SEMA3A: variants seen among roughly 807,000 people sequenced by gnomAD.
SEMA3A encodes the protein semaphorin-3A.
Under a neutral mutation model 97.9 loss-of-function variants are expected in SEMA3A, and 29 were observed. That is an observed-to-expected ratio of 0.30 (90% CI 0.22 to 0.40). SEMA3A has a LOEUF of 0.40. Ranked by LOEUF, SEMA3A falls within the 10% of genes least tolerant of loss-of-function variation. SEMA3A has a pLI of 1.00. For synonymous variants in SEMA3A, 321 were observed against 323.7 expected (o/e 0.99, Z 0.09); for missense variants, 763 against 951.3 (o/e 0.80, Z 2.60).
intron 1 of SEMA3A, among the ~76,000 whole-genome samples, chr7:84,437,943 C>G (rs1584325124): frequency 6.6e-6 from 1 of 151,898 alleles, no homozygotes; most frequent in South Asian, 2.1e-4. Flanking sequence ...TTTTAAAAAA[C>G]CTAAAACAAG....
At chr7:84,065,809 A>C (rs1793461127) in intron 4 of SEMA3A, among the ~76,000 whole-genome samples, 1 of 152,030 alleles carries the variant, frequency 6.6e-6, no homozygotes, top group South Asian at 2.1e-4. Flanking sequence ...GTCCAGGACC[A>C]GATGGATTCA....
At chr7:84,470,181 T>C (rs1584347585) in intron 1 of SEMA3A, among the ~76,000 whole-genome samples, 1 of 152,162 alleles carries the variant, frequency 6.6e-6, no homozygotes, top group East Asian at 1.9e-4. Flanking sequence ...CTTGGGATTC[T>C]ACTATACTTA....
At chr7:84,433,895 T>C (rs1440207159) in intron 1 of SEMA3A, among the ~76,000 whole-genome samples, 2 of 152,228 alleles carry the variant, frequency 1.3e-5, no homozygotes, top group Admixed American at 6.5e-5. Flanking sequence ...TGTCTGTTCA[T>C]ATTCTTCACA....
In SEMA3A at chr7:84,208,175, T is replaced by C. The variant is rs574248202; in HGVS notation, c.-82-13507A>G. On this transcript the variant is annotated intron_variant, in intron 3 of 3. Coordinates refer to the SEMA3A transcript ENST00000424555. Reference sequence around the variant, plus strand: ...AATGTTAAGAATGGAAAGACAAGCCTGGCACTGTGGCTCATGACTGTAATC... The same window carrying C: ...AATGTTAAGAATGGAAAGACAAGCCCGGCACTGTGGCTCATGACTGTAATC... 5.7e-4 allele frequency among the ~76,000 whole-genome samples: 86 copies of C among 152,058 alleles called. 1 individual carries two copies. The highest frequency in any genetic ancestry group is 9.9e-4 in the Non-Finnish European group (67 of 67,978).
intron 4 of SEMA3A, among the ~76,000 whole-genome samples, chr7:84,073,812 T>C (rs1285410517): frequency 2.0e-5 from 3 of 149,386 alleles, no homozygotes; most frequent in African/African-American, 7.6e-5. Flanking sequence ...CAACATCTGT[T>C]GCATCAGAAT....
intron 1 of SEMA3A, among the ~76,000 whole-genome samples, chr7:84,376,917 T>C (rs948616458): frequency 6.6e-6 from 1 of 152,200 alleles, no homozygotes; most frequent in African/African-American, 2.4e-5. Flanking sequence ...ATATTATGGG[T>C]GATAATCCAT....
chr7:83,988,849 T>A, intron 12 of SEMA3A, among the ~76,000 whole-genome samples: 1 of 147,406 alleles, frequency 6.8e-6, no homozygotes, highest in South Asian at 2.2e-4. Flanking sequence ...CAACACATCA[T>A]GGATATTCAG....
At chr7:84,362,236 A>G (rs1802743974) in intron 2 of SEMA3A, among the ~76,000 whole-genome samples, 1 of 151,968 alleles carries the variant, frequency 6.6e-6, no homozygotes, top group Non-Finnish European at 1.5e-5. Flanking sequence ...TAAATAAATA[A>G]CCTTGAATAA....
intron 2 of SEMA3A, among the ~76,000 whole-genome samples, chr7:84,313,207 A>T (rs1342764746): frequency 6.9e-6 from 1 of 145,714 alleles, no homozygotes; most frequent in Non-Finnish European, 1.5e-5. Flanking sequence ...TTGCTAGAAA[A>T]GTTCCAAATT....
rs531724085 is a variant in SEMA3A, at chr7:84,169,293, G to A, written c.112+25182C>T. On this transcript the variant is annotated intron_variant, in intron 1 of 16. Transcript: ENST00000265362. The stretch of plus-strand genomic sequence containing the variant: ...GGCCATAAACCTATCTCTCCCACAA[G>A]TATTCAAGAGTGAAAGCCTAAGTTA... 4.6e-5 allele frequency among the ~76,000 whole-genome samples: 7 copies of A among 151,156 alleles called. No homozygotes were observed. In the East Asian group the frequency reaches 1.2e-3, roughly 25 times the overall value.
At chr7:84,091,260 A>G (rs943146126) in intron 4 of SEMA3A, among the ~76,000 whole-genome samples, 5 of 147,410 alleles carry the variant, frequency 3.4e-5, no homozygotes, top group African/African-American at 9.8e-5. Context: ...AGAACGAAGG[A>G]AAGAGAAAAA....
At chr7:84,403,853 C>A (rs375827715) in intron 1 of SEMA3A, among the ~76,000 whole-genome samples, 7 of 152,236 alleles carry the variant, frequency 4.6e-5, no homozygotes, top group African/African-American at 1.7e-4. Context: ...AGAAGGAAAA[C>A]TAACAAACAG....
At chr7:84,424,018 A>T (rs1242411718) in intron 1 of SEMA3A, among the ~76,000 whole-genome samples, 1 of 151,946 alleles carries the variant, frequency 6.6e-6, no homozygotes, top group Non-Finnish European at 1.5e-5. Flanking sequence ...ATGTGGTGAA[A>T]GGGAAAGCTT....
chr7:84,154,305 T>G (rs2116137604), intron 1 of SEMA3A, among the ~76,000 whole-genome samples: 1 of 152,272 alleles, frequency 6.6e-6, no homozygotes, highest in Admixed American at 6.5e-5. Flanking sequence ...TGGTTAAAAA[T>G]AATAGACATT....
At chr7:84,483,758 AT>A (rs67470568) in intron 1 of SEMA3A, among the ~76,000 whole-genome samples, 29,931 of 152,082 alleles carry the variant, frequency 0.2, 3,565 homozygotes, top group East Asian at 0.47. Flanking sequence ...TTAAAAAAAA[AT>A]CTGGGTCAGG....
At chr7:83,987,976 T>C (rs912175631) in intron 12 of SEMA3A, among the ~76,000 whole-genome samples, 7 of 152,238 alleles carry the variant, frequency 4.6e-5, no homozygotes, top group African/African-American at 1.2e-4. Context: ...TGTGTATTGC[T>C]GATAGGACAC....
At chr7:84,206,546 T>C (rs1416384409) in intron 3 of SEMA3A, among the ~76,000 whole-genome samples, 1 of 152,084 alleles carries the variant, frequency 6.6e-6, no homozygotes, top group African/African-American at 2.4e-5. Context: ...ATGGTTGCGA[T>C]CTCCTGACCT....
intron 3 of SEMA3A, among the ~76,000 whole-genome samples, chr7:84,295,362 G>A (rs777325338): frequency 2.0e-5 from 3 of 151,670 alleles, no homozygotes; most frequent in Non-Finnish European, 2.9e-5. Context: ...AAAGATTTCC[G>A]TCATTCACAA....
intron 1 of SEMA3A, among the ~76,000 whole-genome samples, chr7:84,159,566 A>G (rs1796961738): frequency 6.6e-6 from 1 of 152,170 alleles, no homozygotes; most frequent in Non-Finnish European, 1.5e-5. Context: ...CTTACTTCCA[A>G]GAGAGCTAAC....
Sources: allele counts gnomAD v4.1 joint callset (sites outside exome capture counted in the v4.1 genomes callset), GRCh38; gene constraint gnomAD v4.1.1; transcripts MANE v1.5; gene names NCBI Gene and HGNC (gene_info 2026-07-23, HGNC 2026-07-21).